The following VCAN variants were observed in gnomAD, a reference collection of about 807,000 sequenced individuals.
VCAN encodes versican core protein.
A neutral mutation model predicts 245.5 loss-of-function variants in VCAN; 44 were observed. The ratio of observed to expected loss-of-function variants is 0.18; its 90% CI spans 0.14 to 0.23. VCAN has a LOEUF of 0.23. Among genes scored for constraint, VCAN ranks in the 10% least tolerant of loss-of-function variants. VCAN has a pLI of 1.00. For synonymous variants in VCAN, 1,413 were observed against 1,437.0 expected (o/e 0.98, Z 0.38); for missense variants, 3,793 against 4,057.9 (o/e 0.93, Z 1.77).
chr5:83,472,364 A>C (rs1744225656), intron 1 of VCAN, among the ~76,000 whole-genome samples: 1 of 152,166 alleles, frequency 6.6e-6, no homozygotes, highest in African/African-American at 2.4e-5. Flanking sequence ...GCTGGAGAGA[A>C]GAGAGGGACC....
Position 83,537,249 on chromosome 5 carries a change from C to T in VCAN, c.4246C>T (p.Leu1416Phe). 1 of 1,613,942 alleles carries T rather than the reference C, an allele frequency of 6.2e-7. No individual in the cohort carries two copies. Among genetic ancestry groups the T allele is most frequent in the South Asian group, 1.1e-5 (1 of 91,082 alleles). Residue 1416 changes from leucine to phenylalanine, a missense_variant, in exon 8 of 15, where the codon CTC becomes TTC. Transcript: ENST00000265077. ...PSVQYINGKH[L>F]VTTVPKDPEA... ...TGTGCAGTACATAAATGGGAAGCAT[C>T]TCGTTACCACTGTGCCCAAGGACCC... is the stretch of plus-strand genomic sequence containing the variant.
At chr5:83,544,083 A>G (rs1401269690) in intron 8 of VCAN, among the ~76,000 whole-genome samples, 1 of 152,250 alleles carries the variant, frequency 6.6e-6, no homozygotes, top group African/African-American at 2.4e-5. Context: ...ACAGTCTGAT[A>G]AAGCACTTTC....
intron 5 of VCAN, among the ~76,000 whole-genome samples, chr5:83,511,620 T>C (rs1245282438): frequency 2.0e-5 from 3 of 152,026 alleles, no homozygotes; most frequent in South Asian, 4.2e-4. Context: ...TCGGTAGTTA[T>C]AAATGAGAAG....
Position 83,520,759 on chromosome 5 carries a change from C to T in VCAN, c.2453C>T (p.Thr818Ile). The change falls in exon 7 of 15, where the codon ACA becomes ATA. Residue 818 changes from threonine to isoleucine, a missense_variant. Around this residue, in one of 5 missense-constraint regions of VCAN, gnomAD observed 3,182 missense variants for 3,250.3 expected, o/e 0.98. Transcript: ENST00000265077. ...ACAACATCCAAGCCTTTAGAGTCTA[C>T]AGAACCTTCAGCCTCTTCAAAATTG... ...DNTTSKPLES[T>I]EPSASSKLPP... 1 of 1,614,130 alleles carries T rather than the reference C, an allele frequency of 6.2e-7. No individual in the cohort carries two copies. Among genetic ancestry groups the T allele is most frequent in the Non-Finnish European group, 8.5e-7 (1 of 1,179,996 alleles).
chr5:83,538,427 G>A lies in VCAN; in HGVS notation c.5424G>A (p.Glu1808=). ...AAAATTTGGGGGCACAGACCACTGA[G>A]CACAGCAGTATCCATCAACCTGGGG... ...TLENLGAQTT[E]HSSIHQPGVQ... is the part of the protein sequence containing the mutation. The change falls in exon 8 of 15, where the codon GAG becomes GAA. Residue 1808 remains glutamate (E), a synonymous_variant. Coordinates refer to ENST00000265077, the MANE Select transcript of VCAN (RefSeq NM_004385.5). 6.2e-7 allele frequency: 1 copy of A among 1,614,014 alleles called. No individual in the cohort carries two copies. The highest frequency in any genetic ancestry group is 8.5e-7 in the Non-Finnish European group (1 of 1,179,978).
chr5:83,534,893 G>A (rs1264270081), intron 7 of VCAN, among the ~76,000 whole-genome samples: 1 of 102,460 alleles, frequency 9.8e-6, no homozygotes, highest in African/African-American at 4.3e-5. Context: ...AATGCAAACT[G>A]AATTAAGAGG....
intron 3 of VCAN, among the ~76,000 whole-genome samples, chr5:83,492,194 A>G (rs747978784): frequency 6.6e-6 from 1 of 152,168 alleles, no homozygotes; most frequent in Non-Finnish European, 1.5e-5. Context: ...TAGTCATATT[A>G]CTACAGTAAT....
intron 7 of VCAN, among the ~76,000 whole-genome samples, chr5:83,528,342 T>C (rs1746380191): frequency 6.6e-6 from 1 of 152,136 alleles, no homozygotes; most frequent in African/African-American, 2.4e-5. Flanking sequence ...AGCCAATTGC[T>C]TCCCAACTTA....
chr5:83,476,293 A>C (rs113750980), intron 1 of VCAN, among the ~76,000 whole-genome samples: 9 of 152,232 alleles, frequency 5.9e-5, no homozygotes, highest in Non-Finnish European at 1.2e-4. Flanking sequence ...GACGTCATTC[A>C]TGGACAAACA....
intron 5 of VCAN, among the ~76,000 whole-genome samples, chr5:83,504,039 T>C (rs1745409073): frequency 6.6e-6 from 1 of 152,208 alleles, no homozygotes; most frequent in Non-Finnish European, 1.5e-5. Flanking sequence ...GAAAAAAATA[T>C]ACATGGTCCA....
chr5:83,531,552 TG>T (rs1363705677), intron 7 of VCAN: 2 of 152,222 alleles, frequency 1.3e-5, no homozygotes, highest in Admixed American at 6.6e-5. Context: ...AAAATCTTTT[TG>T]TTACACATTA....
intron 5 of VCAN, among the ~76,000 whole-genome samples, chr5:83,508,215 C>G (rs903338303): frequency 6.6e-6 from 1 of 152,064 alleles, no homozygotes; most frequent in Non-Finnish European, 1.5e-5. Flanking sequence ...GACTGGGTAC[C>G]CAGTCTGCTC....
chr5:83,525,634 T>C (rs981032007), intron 7 of VCAN, among the ~76,000 whole-genome samples: 1 of 152,190 alleles, frequency 6.6e-6, no homozygotes, highest in African/African-American at 2.4e-5. Flanking sequence ...TTATTATGTG[T>C]CAGGCCTGCT....
intron 8 of VCAN, among the ~76,000 whole-genome samples, chr5:83,542,770 C>T (rs1747053638): frequency 6.6e-6 from 1 of 152,162 alleles, no homozygotes; most frequent in African/African-American, 2.4e-5. Flanking sequence ...AATATCAGCT[C>T]ATACTTATAT....
At chr5:83,531,891 G>T (rs947993605) in intron 7 of VCAN, among the ~76,000 whole-genome samples, 1 of 151,488 alleles carries the variant, frequency 6.6e-6, no homozygotes, top group South Asian at 2.1e-4. Flanking sequence ...TTATATTCAA[G>T]TCAAGCTGTT....
At chr5:83,473,312 T>G (rs773037387) in intron 1 of VCAN, among the ~76,000 whole-genome samples, 14 of 152,084 alleles carry the variant, frequency 9.2e-5, no homozygotes, top group Non-Finnish European at 2.1e-4. Context: ...CCTAAACTAT[T>G]TGCTCTCCAA....
Position 83,537,664 on chromosome 5 carries a change from A to G in VCAN, c.4661A>G (p.Asp1554Gly). 6.2e-7 allele frequency: 1 copy of G among 1,613,902 alleles called. No homozygotes were observed. Among genetic ancestry groups the G allele is most frequent in the Non-Finnish European group, 8.5e-7 (1 of 1,179,928 alleles). Residue 1554 changes from aspartate to glycine, a missense_variant, in exon 8 of 15, where the codon GAC (aspartate) becomes GGC (glycine). Around this residue, in one of 5 missense-constraint regions of VCAN, gnomAD observed 3,182 missense variants for 3,250.3 expected, o/e 0.98. Coordinates refer to ENST00000265077, the MANE Select transcript of VCAN (RefSeq NM_004385.5). ...PEESSGEIAIDQESQKIAFAR... is the reference protein window; with the variant it reads ...PEESSGEIAIGQESQKIAFAR... ...GAGTCTTCAGGAGAGATTGCCATTG[A>G]CCAAGAATCTCAGAAAATAGCCTTT...
intron 13 of VCAN, among the ~76,000 whole-genome samples, chr5:83,576,095 A>G: frequency 6.6e-6 from 1 of 152,156 alleles, no homozygotes; most frequent in East Asian, 1.9e-4. Context: ...AATATATACA[A>G]AAGGCATATT....
chr5:83,526,423 C>G (rs548023619), intron 7 of VCAN, among the ~76,000 whole-genome samples: 1 of 152,260 alleles, frequency 6.6e-6, no homozygotes, highest in South Asian at 2.1e-4. Context: ...GCCCCTGTAT[C>G]TTGAACAGAC....
Sources: allele counts gnomAD v4.1 joint callset (sites outside exome capture counted in the v4.1 genomes callset), GRCh38; gene constraint gnomAD v4.1.1; regional missense constraint gnomAD v4.1.1; transcripts MANE v1.5; gene names NCBI Gene and HGNC (gene_info 2026-07-23, HGNC 2026-07-21).